The following ACOXL variants were observed in gnomAD, a reference collection of about 807,000 sequenced individuals.
ACOXL encodes the protein acyl-coenzyme A oxidase-like protein.
In ACOXL, 70 loss-of-function variants were observed where a neutral mutation model predicts 71.9. The ratio of observed to expected loss-of-function variants is 0.97; its 90% CI spans 0.80 to 1.19. The LOEUF is 1.19. Ranked by LOEUF, ACOXL falls within the 50% of genes most tolerant of loss-of-function variation. The pLI is 0.00. For synonymous variants in ACOXL, 253 were observed against 281.6 expected (o/e 0.90, Z 1.02); for missense variants, 703 against 736.3 (o/e 0.95, Z 0.52).
intron 16 of ACOXL, among the ~76,000 whole-genome samples, chr2:111,056,132 C>T (rs975082064): frequency 2.6e-5 from 4 of 151,234 alleles, no homozygotes; most frequent in African/African-American, 9.7e-5. Context: ...CTCAGGAGTT[C>T]GAGGTGGCAG....
chr2:110,863,601 C>CA (rs1694213479), intron 10 of ACOXL, among the ~76,000 whole-genome samples: 1 of 152,130 alleles, frequency 6.6e-6, no homozygotes, highest in Non-Finnish European at 1.5e-5. Context: ...GCACCCCCCC[C>CA]AACTGGTTGG....
chr2:110,738,926 G>A (rs1486816987), intron 1 of ACOXL, among the ~76,000 whole-genome samples: 1 of 151,944 alleles, frequency 6.6e-6, no homozygotes, highest in East Asian at 1.9e-4. Context: ...AATATCTGCT[G>A]TCATATTTTT....
intron 12 of ACOXL, among the ~76,000 whole-genome samples, chr2:110,970,359 C>T (rs2062130161): frequency 6.6e-6 from 1 of 152,192 alleles, no homozygotes; most frequent in African/African-American, 2.4e-5. Flanking sequence ...CAAATGCAAT[C>T]CACCACATCA....
intron 10 of ACOXL, among the ~76,000 whole-genome samples, chr2:110,859,639 C>T (rs562234081): frequency 2.0e-5 from 3 of 152,164 alleles, no homozygotes; most frequent in Non-Finnish European, 4.4e-5. Flanking sequence ...AGTGGTGAAA[C>T]CCGATTCCAT....
At chr2:110,837,010 C>T (rs1293522820) in intron 9 of ACOXL, among the ~76,000 whole-genome samples, 10 of 152,218 alleles carry the variant, frequency 6.6e-5, no homozygotes, top group Non-Finnish European at 2.9e-5. Flanking sequence ...TAATAAAAAA[C>T]CCCATTATCC....
At chr2:110,996,495 G>A (rs531762873) in intron 14 of ACOXL, among the ~76,000 whole-genome samples, 1 of 152,292 alleles carries the variant, frequency 6.6e-6, no homozygotes, top group South Asian at 2.1e-4. Flanking sequence ...ACCAAGTACA[G>A]TGCCAGTGGG....
intron 9 of ACOXL, among the ~76,000 whole-genome samples, chr2:110,826,331 A>G (rs1026046876): frequency 6.6e-6 from 1 of 152,174 alleles, no homozygotes; most frequent in Non-Finnish European, 1.5e-5. Flanking sequence ...AATCCCAAAT[A>G]TCCCCAGGTA....
chr2:111,103,489 C>G (rs1207248892), intron 17 of ACOXL, among the ~76,000 whole-genome samples: 1 of 152,086 alleles, frequency 6.6e-6, no homozygotes, highest in African/African-American at 2.4e-5. Context: ...CCTTGAACCG[C>G]TAGGCATTGA....
Position 111,031,655 on chromosome 2 carries a change from A to G in ACOXL, c.1310A>G (p.His437Arg), listed in dbSNP as rs1013075362. Residue 437 changes from histidine (H) to arginine (R), a missense_variant, in exon 15 of 18, where the codon CAT (histidine) becomes CGT (arginine). Coordinates refer to ENST00000439055, the MANE Select transcript of ACOXL (RefSeq NM_001142807.4). ...KVKTKKEDFFHAWNSCLHHVA... is the reference protein window; with the variant it reads ...KVKTKKEDFFRAWNSCLHHVA... ...AAGACCAAGAAGGAGGATTTTTTCC[A>G]TGCCTGGAACTCGTGTCTGCACCAC... The G allele has an allele frequency of 1.9e-6, 3 of 1,614,098 alleles. No individual in the cohort carries two copies. Among genetic ancestry groups the G allele is most frequent in the Non-Finnish European group, 2.5e-6 (3 of 1,180,004 alleles).
chr2:111,108,565 G>A (rs1457427753), intron 17 of ACOXL, among the ~76,000 whole-genome samples: 1 of 152,034 alleles, frequency 6.6e-6, no homozygotes, highest in African/African-American at 2.4e-5. Context: ...TTTTAGTAGA[G>A]ACAGGGTTTC....
At chr2:110,807,053 ACCAGCCCCTG>A (rs770375882) in intron 9 of ACOXL, among the ~76,000 whole-genome samples, 33 of 152,284 alleles carry the variant, frequency 2.2e-4, no homozygotes, top group Non-Finnish European at 4.4e-4. Flanking sequence ...GTTATCATGG[ACCAGCCCCTG>A]CCAGGCCCAG....
chr2:110,798,362 T>C (rs1010411497), intron 5 of ACOXL, among the ~76,000 whole-genome samples: 14 of 151,580 alleles, frequency 9.2e-5, no homozygotes, highest in African/African-American at 3.4e-4. Flanking sequence ...GTTCACGCCA[T>C]TCTCCTGCCT....
In ACOXL at chr2:110,751,398, C is replaced by CGGG. The variant is rs1163356209; in HGVS notation, c.-22-16970_-22-16969insGGG. On this transcript the variant is annotated intron_variant, in intron 1 of 17. Coordinates refer to ENST00000439055, the MANE Select transcript of ACOXL (RefSeq NM_001142807.4). The stretch of plus-strand genomic sequence containing the variant: ...TCCACTACCTAGATTCTGGCATTAA[C>CGGG]ATGCTACTATACTTGCTTTATCACG... Among the ~76,000 whole-genome samples, 104 of 151,000 alleles carry CGGG rather than the reference C, an allele frequency of 6.9e-4. 1 individual carries two copies. The highest frequency in any genetic ancestry group is 1.8e-4 in the Non-Finnish European group (12 of 67,778).
intron 1 of ACOXL, among the ~76,000 whole-genome samples, chr2:110,766,955 C>T (rs545497889): frequency 1.4e-4 from 21 of 152,344 alleles, no homozygotes; most frequent in Middle Eastern, 3.4e-3. Context: ...TAACTCTCCC[C>T]TCAGCCTTGC....
At chr2:110,955,991 T>C (rs1412971625) in intron 12 of ACOXL, among the ~76,000 whole-genome samples, 1 of 140,730 alleles carries the variant, frequency 7.1e-6, no homozygotes, top group Admixed American at 8.0e-5. Context: ...CAGGCTAGAG[T>C]GCAGTGGTGC....
chr2:110,823,858 G>T (rs959423925), intron 9 of ACOXL, among the ~76,000 whole-genome samples: 1 of 152,126 alleles, frequency 6.6e-6, no homozygotes, highest in Non-Finnish European at 1.5e-5. Context: ...TTATTTGTAT[G>T]TTTTGGATAT....
At chr2:110,737,101 A>G (rs1179414343) in intron 1 of ACOXL, among the ~76,000 whole-genome samples, 1 of 152,176 alleles carries the variant, frequency 6.6e-6, no homozygotes, top group Admixed American at 6.5e-5. Flanking sequence ...TGTGTGTTTT[A>G]TTCTACAGCT....
chr2:110,753,404 G>A (rs748817679), intron 1 of ACOXL, among the ~76,000 whole-genome samples: 1 of 152,224 alleles, frequency 6.6e-6, no homozygotes, highest in Non-Finnish European at 1.5e-5. Context: ...CTATTGGAAT[G>A]AGACCTCAGT....
intron 10 of ACOXL, among the ~76,000 whole-genome samples, chr2:110,886,242 C>A (rs1264608127): frequency 6.6e-6 from 1 of 152,152 alleles, no homozygotes; most frequent in Non-Finnish European, 1.5e-5. Context: ...AAACCATACA[C>A]ATATATTATT....
Sources: gnomAD v4.1 joint callset for allele counts (sites outside exome capture counted in the v4.1 genomes callset) on GRCh38, gnomAD v4.1.1 for gene constraint, MANE v1.5 for transcripts, NCBI Gene and HGNC (gene_info 2026-07-23, HGNC 2026-07-21) for gene names.